ZC3H18: variants seen among roughly 807,000 people sequenced by gnomAD.
The protein encoded by ZC3H18 is zinc finger CCCH domain-containing protein 18.
Under a neutral mutation model 106.1 loss-of-function variants are expected in ZC3H18, and 8 were observed. The ratio of observed to expected loss-of-function variants is 0.08; its 90% CI spans 0.04 to 0.14. The LOEUF (loss-of-function observed/expected upper bound fraction) is 0.14. Among genes scored for constraint, ZC3H18 ranks in the 10% least tolerant of loss-of-function variants. ZC3H18 has a pLI of 1.00. For synonymous variants in ZC3H18, 635 were observed against 522.1 expected, an observed-to-expected ratio of 1.22 and a Z score of -2.95; for missense variants, 1,318 against 1,278.4, an observed-to-expected ratio of 1.03 and a Z score of -0.47.
At chr16:88,611,605 C>G (rs779095520) in intron 8 of ZC3H18, 69 bp downstream of exon 8, 62 of 1,501,762 alleles carry the variant, frequency 4.1e-5, no homozygotes, top group Non-Finnish European at 5.3e-5. Flanking sequence ...CCTAGTCCCC[C>G]TGGCCTGCGC....
rs367667286 is a variant in ZC3H18, at chr16:88,624,764, G to A, written c.2042+19G>A. 1.3e-4 allele frequency: 201 copies of A among 1,597,510 alleles called. No individual in the cohort carries two copies. Among genetic ancestry groups the A allele is most frequent in the East Asian group, 3.4e-4 (15 of 44,462 alleles). ...CCAGGAGGTGAGCACTCCGGCGTCCGGGGCCCTCAGGCTTTCCGTGTTCTT... is the reference window on the plus strand; with the variant it reads ...CCAGGAGGTGAGCACTCCGGCGTCCAGGGCCCTCAGGCTTTCCGTGTTCTT... On this transcript the variant is annotated intron_variant, in intron 12 of 17. Coordinates refer to ENST00000301011, the MANE Select transcript of ZC3H18 (RefSeq NM_144604.4).
intron 3 of ZC3H18, among the ~76,000 whole-genome samples, chr16:88,594,682 A>G (rs1395150157): frequency 6.6e-6 from 1 of 152,210 alleles, no homozygotes; most frequent in Non-Finnish European, 1.5e-5. Flanking sequence ...GAGCCCCAGT[A>G]TATTGATAAC....
At chr16:88,608,025 A>T (rs1597345139) in intron 6 of ZC3H18, among the ~76,000 whole-genome samples, 2 of 152,210 alleles carry the variant, frequency 1.3e-5, no homozygotes, top group African/African-American at 4.8e-5. Context: ...CTGTGAAGAC[A>T]CTGATTTCTA....
At chr16:88,592,605 G>T (rs919780717) in intron 3 of ZC3H18, among the ~76,000 whole-genome samples, 1 of 152,148 alleles carries the variant, frequency 6.6e-6, no homozygotes, top group Non-Finnish European at 1.5e-5. Flanking sequence ...CTCCCGAGTA[G>T]CTGAGATTAC....
At chr16:88,598,560 G>A (rs1904575629) in intron 4 of ZC3H18, 60 bp from the exon 5 acceptor site, 2 of 1,532,794 alleles carry the variant, frequency 1.3e-6, no homozygotes, top group Admixed American at 3.8e-5. Flanking sequence ...TTACTGTCTG[G>A]TTTCTCTGTA....
intron 1 of ZC3H18, among the ~76,000 whole-genome samples, chr16:88,570,832 C>G (rs1042996411): frequency 6.6e-6 from 1 of 152,206 alleles, no homozygotes; most frequent in Non-Finnish European, 1.5e-5. Flanking sequence ...CCTCCGCGCC[C>G]CGCGGCAGAG....
intron 4 of ZC3H18, 107 bp from the exon 5 acceptor site, chr16:88,598,513 G>T (rs144425160): frequency 7.1e-7 from 1 of 1,415,316 alleles, no homozygotes. Flanking sequence ...GAAGGAGAGC[G>T]GCCACACACG....
Position 88,608,342 on chromosome 16 carries a change from C to T in ZC3H18, c.1089-592C>T, listed in dbSNP as rs1015224958. 2.6e-5 allele frequency among the ~76,000 whole-genome samples: 4 copies of T among 151,740 alleles called. No individual in the cohort carries two copies. In the South Asian group the frequency reaches 8.3e-4, roughly 32 times the overall value. On this transcript the variant is annotated intron_variant, in intron 6 of 17. Coordinates refer to ENST00000301011, the MANE Select transcript of ZC3H18 (RefSeq NM_144604.4). ...TTTTATCATGCTAAAGTATCACTTC[C>T]TATTTTCTTTCCTTTTTTTTTTTTC...
intron 6 of ZC3H18, among the ~76,000 whole-genome samples, chr16:88,606,441 G>A (rs1186998055): frequency 6.6e-6 from 1 of 152,228 alleles, no homozygotes; most frequent in Non-Finnish European, 1.5e-5. Flanking sequence ...GCAGGAAAGA[G>A]GCCTTTTCAT....
chr16:88,620,264 C>T (rs1905876014), intron 8 of ZC3H18, among the ~76,000 whole-genome samples: 1 of 152,240 alleles, frequency 6.6e-6, no homozygotes, highest in South Asian at 2.1e-4. Flanking sequence ...ATCCCACTCA[C>T]AGTAACACAG....
chr16:88,574,478 G>C (rs1373067181), intron 1 of ZC3H18, among the ~76,000 whole-genome samples: 1 of 151,916 alleles, frequency 6.6e-6, no homozygotes, highest in South Asian at 2.1e-4. Context: ...CAAAGTGCTA[G>C]GATTACAGAC....
At chr16:88,584,392 A>T (rs1332372076) in intron 2 of ZC3H18, among the ~76,000 whole-genome samples, 2 of 151,712 alleles carry the variant, frequency 1.3e-5, no homozygotes, top group Admixed American at 1.3e-4. Flanking sequence ...ACTGCACTCC[A>T]GCCTGGGCGA....
chr16:88,578,522 C>T (rs1467700645), intron 2 of ZC3H18, among the ~76,000 whole-genome samples: 1 of 149,700 alleles, frequency 6.7e-6, no homozygotes, highest in Non-Finnish European at 1.5e-5. Flanking sequence ...TTGAACTGAA[C>T]TGGGTTTTTG....
intron 11 of ZC3H18, 64 bp downstream of exon 11, chr16:88,624,126 C>T: frequency 1.9e-6 from 3 of 1,584,292 alleles, no homozygotes; most frequent in Admixed American, 1.8e-5. Flanking sequence ...AGCCTCCTCC[C>T]TCCGTCTCTA....
intron 5 of ZC3H18, 64 bp from the exon 6 acceptor site, chr16:88,599,727 T>C: frequency 6.5e-7 from 1 of 1,550,162 alleles, no homozygotes; most frequent in South Asian, 1.2e-5. Context: ...GCTCCCTTTG[T>C]GTTTCCTAAC....
intron 3 of ZC3H18, chr16:88,587,393 A>T (rs765789826): frequency 4.0e-5 from 26 of 651,860 alleles, no homozygotes; most frequent in Non-Finnish European, 5.5e-5. Flanking sequence ...GTTTTGGCAT[A>T]TTTCTTGTAA....
At chr16:88,583,602 G>A (rs537891989) in intron 2 of ZC3H18, among the ~76,000 whole-genome samples, 3 of 152,316 alleles carry the variant, frequency 2.0e-5, no homozygotes, top group Non-Finnish European at 2.9e-5. Flanking sequence ...TCTTAAAATT[G>A]GAGTAGATGA....
intron 8 of ZC3H18, among the ~76,000 whole-genome samples, chr16:88,620,926 C>T (rs1251729905): frequency 4.6e-5 from 7 of 152,210 alleles, no homozygotes; most frequent in South Asian, 2.1e-4. Context: ...AGTGCAGTGG[C>T]GCAGTCTCAG....
At chr16:88,625,511 G>T (rs945436439) in intron 13 of ZC3H18, 3 of 541,978 alleles carry the variant, frequency 5.5e-6, no homozygotes, top group African/African-American at 1.9e-5. Context: ...GGGGCACTCA[G>T]GTCAGGAGGA....
Sources: allele counts gnomAD v4.1 joint callset (sites outside exome capture counted in the v4.1 genomes callset), GRCh38; gene constraint gnomAD v4.1.1; transcripts MANE v1.5; gene names NCBI Gene and HGNC (gene_info 2026-07-23, HGNC 2026-07-21).